Variants in CFAP299 observed in about 807,000 individuals in gnomAD.
CFAP299 encodes the protein cilia- and flagella-associated protein 299.
In CFAP299, 21 loss-of-function variants were observed where a neutral mutation model predicts 27.0. That is an observed-to-expected ratio of 0.78 (90% confidence interval 0.55 to 1.12). The LOEUF (loss-of-function observed/expected upper bound fraction) is 1.12. Ranked by LOEUF, CFAP299 falls within the 50% of genes most tolerant of loss-of-function variation. The probability of loss-of-function intolerance (pLI) is 0.00; values close to 1 mark genes in which losing one functional copy is unlikely to be tolerated. For missense variants in CFAP299, 310 were observed against 276.6 expected (o/e 1.12, Z -0.86); for synonymous variants, 104 against 98.1 (o/e 1.06, Z -0.36).
At chr4:80,674,693 C>A (rs1415923370) in intron 3 of CFAP299, among the ~76,000 whole-genome samples, 5 of 152,092 alleles carry the variant, frequency 3.3e-5, no homozygotes, top group South Asian at 4.1e-4. Flanking sequence ...TCACATTGTC[C>A]CATATTTCTT....
chr4:80,634,775 G>T (rs1739401779), intron 3 of CFAP299, among the ~76,000 whole-genome samples: 1 of 151,830 alleles, frequency 6.6e-6, no homozygotes, highest in Admixed American at 6.6e-5. Context: ...AAAGCATTTA[G>T]GAATTTTTAG....
At chr4:80,414,084 T>TC (rs1726873649) in intron 2 of CFAP299, among the ~76,000 whole-genome samples, 4 of 148,732 alleles carry the variant, frequency 2.7e-5, no homozygotes, top group Admixed American at 6.7e-5. Flanking sequence ...TTTTTTTTTT[T>TC]TTTTGAGACG....
At chr4:80,860,576 A>T (rs1393050465) in intron 3 of CFAP299, among the ~76,000 whole-genome samples, 1 of 151,864 alleles carries the variant, frequency 6.6e-6, no homozygotes, top group Non-Finnish European at 1.5e-5. Context: ...TGATGTACAG[A>T]TGGGTTTTTG....
chr4:80,640,479 G>A (rs558869049), intron 3 of CFAP299, among the ~76,000 whole-genome samples: 1 of 152,246 alleles, frequency 6.6e-6, no homozygotes, highest in South Asian at 2.1e-4. Flanking sequence ...GATTAATGCT[G>A]CTTAGCCTAT....
intron 3 of CFAP299, among the ~76,000 whole-genome samples, chr4:80,828,427 A>G (rs1730109379): frequency 6.6e-6 from 1 of 152,028 alleles, no homozygotes; most frequent in Admixed American, 6.6e-5. Context: ...ACCAAAACCA[A>G]AGATACAGTT....
chr4:80,767,338 G>A (rs1200796096), intron 3 of CFAP299, among the ~76,000 whole-genome samples: 2 of 152,098 alleles, frequency 1.3e-5, no homozygotes, highest in African/African-American at 4.8e-5. Flanking sequence ...GGTGGGGCAC[G>A]GTGGCTCACG....
At chr4:80,634,008 G>A (rs1257462083) in intron 3 of CFAP299, among the ~76,000 whole-genome samples, 2 of 109,836 alleles carry the variant, frequency 1.8e-5, no homozygotes, top group Admixed American at 1.1e-4. Flanking sequence ...TTTTTTTTAC[G>A]AAATCTAGCT....
intron 3 of CFAP299, among the ~76,000 whole-genome samples, chr4:80,644,452 A>G (rs1237483681): frequency 1.3e-5 from 2 of 152,154 alleles, no homozygotes; most frequent in Non-Finnish European, 2.9e-5. Flanking sequence ...TATTTGGGTA[A>G]CACACCCAAT....
chr4:80,678,128 A>G (rs1051792979), intron 3 of CFAP299, among the ~76,000 whole-genome samples: 1 of 151,974 alleles, frequency 6.6e-6, no homozygotes, highest in East Asian at 1.9e-4. Flanking sequence ...TATCTCTTCT[A>G]TGAAATATCA....
rs1218514383 is a variant in CFAP299 at position 80,944,835 on chromosome 4, G to A, written c.502G>A (p.Ala168Thr). Residue 168 changes from alanine to threonine, a missense_variant, in exon 5 of 6, where the codon GCT becomes ACT. By Grantham distance (58) the Ala-to-Thr change is moderately conservative. Coordinates refer to ENST00000358105, the MANE Select transcript of CFAP299 (RefSeq NM_152770.3). ...ISFYNWDADI[A>T]VSNSSPNYQV... ...CTTTTACAACTGGGACGCTGATATTGCTGTTAGTAATTCAAGTCCCAACTA... is the reference window on the plus strand; with the variant it reads ...CTTTTACAACTGGGACGCTGATATTACTGTTAGTAATTCAAGTCCCAACTA... 1.9e-6 allele frequency: 3 copies of A among 1,607,694 alleles called. No individual in the cohort carries two copies. Among genetic ancestry groups the A allele is most frequent in the Non-Finnish European group, 2.6e-6 (3 of 1,175,092 alleles).
At chr4:80,549,587 G>T (rs1197694034) in intron 2 of CFAP299, among the ~76,000 whole-genome samples, 1 of 152,112 alleles carries the variant, frequency 6.6e-6, no homozygotes, top group Non-Finnish European at 1.5e-5. Context: ...CCTTAAATAT[G>T]CTGCTGTGCA....
intron 2 of CFAP299, among the ~76,000 whole-genome samples, chr4:80,546,133 C>T (rs568544842): frequency 2.6e-5 from 4 of 152,228 alleles, no homozygotes; most frequent in East Asian, 3.9e-4. Flanking sequence ...AGCCCACAGC[C>T]GGTGTCACAC....
At chr4:80,857,743 C>A (rs1732012234) in intron 3 of CFAP299, among the ~76,000 whole-genome samples, 2 of 152,154 alleles carry the variant, frequency 1.3e-5, no homozygotes, top group Non-Finnish European at 2.9e-5. Flanking sequence ...GCCTTGCACC[C>A]CAGGGATGAA....
chr4:80,472,332 C>T (rs1335338783), intron 2 of CFAP299, among the ~76,000 whole-genome samples: 1 of 152,134 alleles, frequency 6.6e-6, no homozygotes, highest in Admixed American at 6.6e-5. Flanking sequence ...TGAAAGAACT[C>T]TATAACACAA....
At chr4:80,727,224 G>A (rs989405160) in intron 3 of CFAP299, among the ~76,000 whole-genome samples, 1 of 151,936 alleles carries the variant, frequency 6.6e-6, no homozygotes, top group Non-Finnish European at 1.5e-5. Context: ...AGGTCATTTA[G>A]TGAAGATATC....
chr4:80,858,466 G>A (rs1327639774), intron 3 of CFAP299, among the ~76,000 whole-genome samples: 3 of 152,034 alleles, frequency 2.0e-5, no homozygotes, highest in African/African-American at 4.8e-5. Context: ...GAATGTGTTT[G>A]CTCTTGCTTT....
intron 2 of CFAP299, among the ~76,000 whole-genome samples, chr4:80,473,872 A>G (rs1730138170): frequency 1.3e-5 from 2 of 152,190 alleles, no homozygotes; most frequent in African/African-American, 4.8e-5. Context: ...GATTACAGGC[A>G]TGAGCCACCA....
chr4:80,448,955 C>A (rs977074292), intron 2 of CFAP299, among the ~76,000 whole-genome samples: 3 of 152,122 alleles, frequency 2.0e-5, no homozygotes, highest in African/African-American at 7.2e-5. Flanking sequence ...CTCCTACCTC[C>A]TCATGGGCAG....
intron 2 of CFAP299, among the ~76,000 whole-genome samples, chr4:80,400,911 A>G (rs1427871509): frequency 2.0e-5 from 3 of 152,206 alleles, no homozygotes; most frequent in Admixed American, 6.5e-5. Context: ...CCAGGCTGAG[A>G]TGGTCTTAGA....
Sources: gnomAD v4.1 joint callset for allele counts (sites outside exome capture counted in the v4.1 genomes callset) on GRCh38, gnomAD v4.1.1 for gene constraint, MANE v1.5 for transcripts, NCBI Gene and HGNC (gene_info 2026-07-23, HGNC 2026-07-21) for gene names.